Variants in VTCN1 observed in about 807,000 individuals in gnomAD.
VTCN1 encodes the protein V-set domain-containing T-cell activation inhibitor 1.
VTCN1 carries 26 observed loss-of-function variants against 26.5 expected under a neutral mutation model. The observed-to-expected ratio is 0.98, with a 90% confidence interval of 0.72 to 1.36. The LOEUF is 1.36. Among genes scored for constraint, VTCN1 ranks in the 40% most tolerant of loss-of-function variants. The pLI, the probability that VTCN1 is intolerant of heterozygous loss-of-function variation, is 0.00. For synonymous variants in VTCN1, 116 were observed against 130.7 expected (o/e 0.89, Z 0.77); for missense variants, 298 against 337.7 (o/e 0.88, Z 0.92).
At chr1:117,176,526 A>G (rs1289060859) in intron 1 of VTCN1, among the ~76,000 whole-genome samples, 1 of 152,236 alleles carries the variant, frequency 6.6e-6, no homozygotes, top group Non-Finnish European at 1.5e-5. Context: ...AATGGTTTCT[A>G]TGTTCTCGAG....
intron 1 of VTCN1, among the ~76,000 whole-genome samples, chr1:117,197,032 T>A (rs755256573): frequency 3.3e-4 from 50 of 152,320 alleles, no homozygotes; most frequent in South Asian, 1.2e-3. Context: ...TAGAAAATTG[T>A]GAAGCTAGCA....
intron 4 of VTCN1, among the ~76,000 whole-genome samples, chr1:117,152,739 C>G (rs565913774): frequency 6.6e-6 from 1 of 152,318 alleles, no homozygotes; most frequent in South Asian, 2.1e-4. Context: ...TCCAGCTGAA[C>G]ATATCAAAGA....
At chr1:117,151,464 C>CGG (rs988796557) in intron 4 of VTCN1, among the ~76,000 whole-genome samples, 9 of 152,278 alleles carry the variant, frequency 5.9e-5, no homozygotes, top group African/African-American at 2.2e-4. Context: ...GACAGCAGCC[C>CGG]TACCGGGTTG....
intron 1 of VTCN1, among the ~76,000 whole-genome samples, chr1:117,209,603 C>T (rs1282116757): frequency 1.3e-5 from 2 of 152,196 alleles, no homozygotes; most frequent in Non-Finnish European, 2.9e-5. Context: ...GCTCCTCTGA[C>T]ATAGGTGCTT....
chr1:117,193,138 A>G (rs961716530), intron 1 of VTCN1, among the ~76,000 whole-genome samples: 4 of 152,180 alleles, frequency 2.6e-5, no homozygotes, highest in African/African-American at 9.6e-5. Flanking sequence ...CAAATACTAC[A>G]CCATTTTATA....
intron 1 of VTCN1, among the ~76,000 whole-genome samples, chr1:117,204,790 T>C (rs563425649): frequency 4.0e-5 from 6 of 151,682 alleles, no homozygotes; most frequent in African/African-American, 1.5e-4. Context: ...CACTTGAACA[T>C]GGGAGGTGAA....
At chr1:117,208,882 C>A (rs1489918471) in intron 1 of VTCN1, among the ~76,000 whole-genome samples, 1 of 152,192 alleles carries the variant, frequency 6.6e-6, no homozygotes, top group Non-Finnish European at 1.5e-5. Flanking sequence ...CAGGCCCTTT[C>A]ATGAGCGTTC....
At chr1:117,181,871 C>T (rs748318630) in intron 1 of VTCN1, among the ~76,000 whole-genome samples, 14 of 152,284 alleles carry the variant, frequency 9.2e-5, no homozygotes, top group African/African-American at 3.1e-4. Context: ...CATCAGTCAC[C>T]GTGATCTGGG....
At chr1:117,176,782 G>C (rs371167604) in intron 1 of VTCN1, among the ~76,000 whole-genome samples, 68 of 152,304 alleles carry the variant, frequency 4.5e-4, no homozygotes, top group African/African-American at 1.6e-3. Flanking sequence ...TGAAATTAAA[G>C]ACATTTACTT....
At chr1:117,164,590 G>A (rs1652519028) in intron 2 of VTCN1, among the ~76,000 whole-genome samples, 1 of 152,190 alleles carries the variant, frequency 6.6e-6, no homozygotes, top group Admixed American at 6.5e-5. Flanking sequence ...ACACACAGGT[G>A]TGTGAGTGGA....
chr1:117,178,352 G>A (rs181625295), intron 1 of VTCN1, among the ~76,000 whole-genome samples: 2,704 of 150,232 alleles, frequency 0.018, 124 homozygotes, highest in Admixed American at 0.11. Context: ...CACCTCCTGA[G>A]TTCAAGCAAT....
chr1:117,164,489 T>C (rs1652512026), intron 2 of VTCN1, among the ~76,000 whole-genome samples: 1 of 151,874 alleles, frequency 6.6e-6, no homozygotes, highest in South Asian at 2.1e-4. Flanking sequence ...GTGCAGTTCC[T>C]AGGAGGTGCT....
intron 4 of VTCN1, among the ~76,000 whole-genome samples, chr1:117,151,444 G>A (rs544476454): frequency 6.6e-6 from 1 of 152,174 alleles, no homozygotes; most frequent in African/African-American, 2.4e-5. Context: ...ACCAAACCCT[G>A]CACATCACAG....
intron 1 of VTCN1, among the ~76,000 whole-genome samples, chr1:117,177,410 CT>C (rs1177807494): frequency 6.6e-6 from 1 of 152,130 alleles, no homozygotes; most frequent in Non-Finnish European, 1.5e-5. Context: ...TCAAGGCTGG[CT>C]TTGGTCCAGG....
At chr1:117,199,553 T>C (rs1648688997) in intron 1 of VTCN1, among the ~76,000 whole-genome samples, 1 of 152,076 alleles carries the variant, frequency 6.6e-6, no homozygotes, top group Non-Finnish European at 1.5e-5. Context: ...CTCGAACTCC[T>C]GACCTCAAGC....
At chr1:117,203,819 TACGCC>T (rs1648910639) in intron 1 of VTCN1, 1 of 982,576 alleles carries the variant, frequency 1.0e-6, no homozygotes, top group Non-Finnish European at 1.2e-6. Flanking sequence ...GAGGTCTTGT[TACGCC>T]ACAGATTACC....
chr1:117,192,716 G>A (rs891298482), intron 1 of VTCN1, among the ~76,000 whole-genome samples: 2 of 152,050 alleles, frequency 1.3e-5, no homozygotes, highest in Non-Finnish European at 2.9e-5. Flanking sequence ...AAAATAGACT[G>A]TTATAGGTAT....
chr1:117,147,667 C>CT lies in VTCN1; in HGVS notation c.839_840insA (p.Met280IlefsTer32). Reference sequence around the variant, plus strand: ...TTGTGGCCGAGGCACATTATTTTAGCATCAGGTAAGGGCTGAGAGGCAGAA... The same window carrying CT: ...TTGTGGCCGAGGCACATTATTTTAGCTATCAGGTAAGGGCTGAGAGGCAGAA... On this transcript the variant is annotated frameshift_variant, in exon 5 of 6. Coordinates refer to ENST00000369458, the MANE Select transcript of VTCN1 (RefSeq NM_024626.4). LOFTEE classifies it high-confidence loss of function. The surrounding 1 kb of genome is among the most constrained non-coding windows in gnomAD (Gnocchi z 4.6). 1 of 1,612,956 alleles carries CT rather than the reference C, an allele frequency of 6.2e-7. No individual in the cohort carries two copies. Among genetic ancestry groups the CT allele is most frequent in the Non-Finnish European group, 8.5e-7 (1 of 1,179,622 alleles).
chr1:117,158,888 C>A (rs1026833211), intron 2 of VTCN1, among the ~76,000 whole-genome samples: 24 of 152,174 alleles, frequency 1.6e-4, no homozygotes, highest in Non-Finnish European at 2.9e-4. Context: ...TTCCACAAAT[C>A]TCGAGGGCAG....
Sources: gnomAD v4.1 joint callset for allele counts (sites outside exome capture counted in the v4.1 genomes callset) on GRCh38, gnomAD v4.1.1 for gene constraint, Gnocchi (gnomAD v3.1) non-coding constraint, MANE v1.5 for transcripts, NCBI Gene and HGNC (gene_info 2026-07-23, HGNC 2026-07-21) for gene names.